The following HDAC9 variants were observed in gnomAD, a reference collection of about 807,000 sequenced individuals.
HDAC9 encodes the protein histone deacetylase 9, also known as MEF-2 interacting transcription repressor (MITR) protein.
Under a neutral mutation model 139.4 loss-of-function variants are expected in HDAC9, and 41 were observed. The ratio of observed to expected loss-of-function variants is 0.29; its 90% CI spans 0.23 to 0.38. The LOEUF (loss-of-function observed/expected upper bound fraction) is 0.38, where lower values mean the gene tolerates loss of function less well. HDAC9 is among the 10% of genes least tolerant of loss of function. The pLI, the probability that HDAC9 is intolerant of heterozygous loss-of-function variation, is 1.00. For synonymous variants in HDAC9, 517 were observed against 476.2 expected (o/e 1.09, Z -1.12); for missense variants, 1,147 against 1,297.0 (o/e 0.88, Z 1.78).
chr7:18,673,293 C>T (rs1464292418), intron 12 of HDAC9, among the ~76,000 whole-genome samples: 1 of 151,848 alleles, frequency 6.6e-6, no homozygotes, highest in Non-Finnish European at 1.5e-5. Flanking sequence ...AAAATTATGT[C>T]GAACTAATGT....
intron 6 of HDAC9, among the ~76,000 whole-genome samples, chr7:18,620,461 A>G (rs890254557): frequency 6.6e-6 from 1 of 151,776 alleles, no homozygotes; most frequent in Non-Finnish European, 1.5e-5. Context: ...AAAAAACAGT[A>G]ATGAGTAGTA....
intron 1 of HDAC9, among the ~76,000 whole-genome samples, chr7:18,099,869 G>T (rs1277280396): frequency 6.6e-6 from 1 of 152,124 alleles, no homozygotes; most frequent in African/African-American, 2.4e-5. Context: ...ATTATTTAAA[G>T]ATATTTATGT....
chr7:18,534,804 A>G (rs981603972), intron 2 of HDAC9, among the ~76,000 whole-genome samples: 1 of 152,174 alleles, frequency 6.6e-6, no homozygotes, highest in African/African-American at 2.4e-5. Flanking sequence ...TTGTTTGTCC[A>G]GGGAATAACT....
intron 1 of HDAC9, among the ~76,000 whole-genome samples, chr7:18,156,514 C>T (rs952995198): frequency 1.3e-5 from 2 of 152,162 alleles, no homozygotes; most frequent in African/African-American, 4.8e-5. Context: ...CTCAAAGTTG[C>T]ATAACTACAG....
intron 1 of HDAC9, among the ~76,000 whole-genome samples, chr7:18,111,777 A>G (rs1199835910): frequency 6.6e-6 from 1 of 152,210 alleles, no homozygotes; most frequent in African/African-American, 2.4e-5. Flanking sequence ...TTAAAGGTGT[A>G]TGGAAAGGGT....
chr7:18,759,621 G>A (rs1562920286), intron 14 of HDAC9, among the ~76,000 whole-genome samples: 1 of 152,174 alleles, frequency 6.6e-6, no homozygotes, highest in Non-Finnish European at 1.5e-5. Context: ...CACAGTAAAT[G>A]TAATGTGCTT....
In HDAC9 at chr7:18,919,476, T is replaced by C. The variant is rs1466352880; in HGVS notation, c.2804-16333T>C. ...ACATAAGTCTTACAATGTTAGGCAC[T>C]TTTCTATGAGTTTTGCAAGTATTAG... On this transcript the variant is annotated intron_variant, in intron 22 of 25. Coordinates refer to ENST00000686413, the MANE Select transcript of HDAC9 (RefSeq NM_178425.4). Among the ~76,000 whole-genome samples, 7 of 152,040 alleles carry C rather than the reference T, an allele frequency of 4.6e-5. No individual in the cohort carries two copies. The East Asian group carries it at 1.4e-3, about 29-fold the overall frequency.
chr7:18,119,975 G>T lies in HDAC9; in HGVS notation c.-97+32762G>T, dbSNP rs752587768. Among the ~76,000 whole-genome samples the T allele has an allele frequency of 3.9e-5, 6 of 152,312 alleles. No individual in the cohort carries two copies. In the East Asian group the frequency reaches 5.8e-4, roughly 15 times the overall value. ...CATGCTTTCCATCTTTGCCACCAAA[G>T]AATGTTTTTGGGGGTAATGTATGGG... On this transcript the variant is annotated intron_variant, in intron 1 of 12. Coordinates refer to the HDAC9 transcript ENST00000417496.
At chr7:18,826,680 T>TA (rs1261529544) in intron 17 of HDAC9, among the ~76,000 whole-genome samples, 2 of 151,660 alleles carry the variant, frequency 1.3e-5, no homozygotes, top group African/African-American at 4.9e-5. Context: ...GTTTTTTTTT[T>TA]AATAATCCAA....
At chr7:18,254,135 C>T (rs1795092131) in intron 2 of HDAC9, among the ~76,000 whole-genome samples, 1 of 152,088 alleles carries the variant, frequency 6.6e-6, no homozygotes, top group Non-Finnish European at 1.5e-5. Flanking sequence ...AAAAACATAA[C>T]AAACAAGAAG....
chr7:18,318,286 A>G (rs1188795582), intron 1 of HDAC9, among the ~76,000 whole-genome samples: 1 of 152,196 alleles, frequency 6.6e-6, no homozygotes, highest in African/African-American at 2.4e-5. Flanking sequence ...GTATGTTTTA[A>G]TTCAATACAA....
At chr7:18,595,204 A>C (rs1381887092) in intron 6 of HDAC9, among the ~76,000 whole-genome samples, 2 of 152,016 alleles carry the variant, frequency 1.3e-5, no homozygotes, top group East Asian at 3.9e-4. Context: ...GTGGCTTTTT[A>C]ATTTAAATAG....
chr7:18,811,638 G>A (rs1794181595), intron 17 of HDAC9, among the ~76,000 whole-genome samples: 1 of 151,154 alleles, frequency 6.6e-6, no homozygotes, highest in African/African-American at 2.4e-5. Flanking sequence ...TATTTATAAT[G>A]GTATAATTTT....
chr7:18,413,379 G>T (rs996026555), intron 1 of HDAC9, among the ~76,000 whole-genome samples: 3 of 152,134 alleles, frequency 2.0e-5, no homozygotes, highest in Non-Finnish European at 2.9e-5. Flanking sequence ...CCAATCTGGA[G>T]TCTATCTCTG....
intron 2 of HDAC9, among the ~76,000 whole-genome samples, chr7:18,556,548 A>G (rs1818870368): frequency 6.6e-6 from 1 of 152,084 alleles, no homozygotes; most frequent in Non-Finnish European, 1.5e-5. Context: ...AATAATGTCT[A>G]TTGAATTTTC....
chr7:18,292,522 T>G (rs1398865161), intron 1 of HDAC9, among the ~76,000 whole-genome samples: 1 of 152,104 alleles, frequency 6.6e-6, no homozygotes, highest in African/African-American at 2.4e-5. Flanking sequence ...AGCTGGAAAT[T>G]TGTCATAAAT....
At chr7:18,443,770 A>G (rs1301568719) in intron 1 of HDAC9, among the ~76,000 whole-genome samples, 1 of 151,668 alleles carries the variant, frequency 6.6e-6, no homozygotes, top group Non-Finnish European at 1.5e-5. Flanking sequence ...ACACACAAAC[A>G]TTATGTTCTT....
rs908510941 is a variant in HDAC9, at chr7:18,675,566, T to C, written c.1731+9090T>C. Among the ~76,000 whole-genome samples the C allele has an allele frequency of 8.5e-4, 129 of 152,216 alleles. 1 individual carries two copies. Among genetic ancestry groups the C allele is most frequent in the Non-Finnish European group, 1.9e-4 (13 of 67,980 alleles). ...GGAACTTTAGTAACTTTGTTCTCCT[T>C]GGTAGGAGCTGACCTTACACTCAAT... On this transcript the variant is annotated intron_variant, in intron 12 of 25. Coordinates refer to ENST00000686413, the MANE Select transcript of HDAC9 (RefSeq NM_178425.4).
upstream of HDAC9, among the ~76,000 whole-genome samples, chr7:18,286,006 A>G (rs187258250): frequency 4.9e-4 from 75 of 152,240 alleles, no homozygotes; most frequent in African/African-American, 1.7e-3. Flanking sequence ...TTCCCCAACA[A>G]TGTTGAACTA....
Sources: allele counts gnomAD v4.1 joint callset (sites outside exome capture counted in the v4.1 genomes callset), GRCh38; gene constraint gnomAD v4.1.1; transcripts MANE v1.5; gene names NCBI Gene and HGNC (gene_info 2026-07-23, HGNC 2026-07-21).